The following TRMT44 variants were observed in gnomAD, a reference collection of about 807,000 sequenced individuals.
TRMT44 encodes the protein tRNA methyltransferase 44 homolog.
TRMT44 carries 78 observed loss-of-function variants against 77.3 expected under a neutral mutation model. The observed-to-expected ratio is 1.01, with a 90% CI of 0.84 to 1.22. The LOEUF (loss-of-function observed/expected upper bound fraction) is 1.22, where lower values mean the gene tolerates loss of function less well. Among genes scored for constraint, TRMT44 ranks in the 50% most tolerant of loss-of-function variants. TRMT44 has a pLI of 0.00. For synonymous variants in TRMT44, 391 were observed against 383.3 expected, an observed-to-expected ratio of 1.02 and a Z score of -0.23; for missense variants, 1,090 against 964.4, an observed-to-expected ratio of 1.13 and a Z score of -1.73.
At chr4:8,502,433 G>A in the TRMT44 span, among the ~76,000 whole-genome samples, 1 of 152,230 alleles carries the variant, frequency 6.6e-6, no homozygotes, top group East Asian at 1.9e-4. Flanking sequence ...CACATATTTA[G>A]CTCATGGTGC....
chr4:8,503,772 A>G, the TRMT44 span, among the ~76,000 whole-genome samples: 2 of 152,110 alleles, frequency 1.3e-5, no homozygotes, highest in African/African-American at 2.4e-5. Flanking sequence ...GTTCTGTCCT[A>G]TGTCCCCGCA....
chr4:8,452,166 G>T lies in TRMT44; in HGVS notation c.1023+138G>T. On this transcript the variant is annotated intron_variant, in intron 4 of 10. Transcript: ENST00000389737. This position sits in a 1 kb window ranked among gnomAD's most constrained non-coding sequence, Gnocchi z 5.7. ...CTGCTGGCCAAGGTTGGTTTCTCGTGTAATGGTTTGACTTCATGTGGTCCT... is the reference window on the plus strand; with the variant it reads ...CTGCTGGCCAAGGTTGGTTTCTCGTTTAATGGTTTGACTTCATGTGGTCCT... The T allele has an allele frequency of 1.3e-6, 1 of 756,082 alleles. No individual in the cohort carries two copies. The highest frequency in any genetic ancestry group is 2.2e-6 in the Non-Finnish European group (1 of 454,934). The allele number at this position is 756,082 out of a possible 1,614,324, so 46.8% of individuals were successfully genotyped here. A position where few individuals can be genotyped will look rare whatever the true frequency, so the allele number is the denominator to read the frequency against.
chr4:8,489,927 A>G (rs935539708), intron 2 of TRMT44, among the ~76,000 whole-genome samples: 1 of 152,224 alleles, frequency 6.6e-6, no homozygotes, highest in Non-Finnish European at 1.5e-5. Flanking sequence ...GGTTAAAGAC[A>G]TGCAACTTCC....
chr4:8,511,417 C>T, the TRMT44 span, among the ~76,000 whole-genome samples: 1 of 152,150 alleles, frequency 6.6e-6, no homozygotes, highest in African/African-American at 2.4e-5. Context: ...CTCTTAATCT[C>T]TAAAACCTGT....
intron 6 of TRMT44, among the ~76,000 whole-genome samples, chr4:8,460,859 A>AT (rs1254472860): frequency 2.7e-5 from 4 of 149,848 alleles, no homozygotes; most frequent in Non-Finnish European, 5.9e-5. Context: ...CCCCCCTTTT[A>AT]TTTTTTTGGA....
At chr4:8,511,788 G>T in the TRMT44 span, 1 of 151,104 alleles carries the variant, frequency 6.6e-6, no homozygotes, top group Non-Finnish European at 1.5e-5. Flanking sequence ...CAAAAACTTC[G>T]ATTTAAAACT....
intron 2 of TRMT44, among the ~76,000 whole-genome samples, chr4:8,489,938 C>A (rs1577068952): frequency 6.6e-6 from 1 of 152,288 alleles, no homozygotes; most frequent in East Asian, 1.9e-4. Flanking sequence ...TGCAACTTCC[C>A]CAATTACTCC....
At chr4:8,472,816 G>A (rs1387124284) in intron 10 of TRMT44, among the ~76,000 whole-genome samples, 1 of 152,176 alleles carries the variant, frequency 6.6e-6, no homozygotes, top group East Asian at 1.9e-4. Context: ...CTGCTGCCTG[G>A]AGTCTGCTCT....
chr4:8,466,301 C>T (rs1289218635), intron 8 of TRMT44, among the ~76,000 whole-genome samples: 1 of 152,250 alleles, frequency 6.6e-6, no homozygotes, highest in Non-Finnish European at 1.5e-5. Flanking sequence ...CTCGGCTCTG[C>T]TGCTGCCCGT....
At chr4:8,507,575 CTCTTTCTCCT>C in the TRMT44 span, 2 of 153,090 alleles carry the variant, frequency 1.3e-5, no homozygotes, top group Non-Finnish European at 2.9e-5. Flanking sequence ...TTCCTTTCTC[CTCTTTCTCCT>C]TCTTTCTGTT....
intron 8 of TRMT44, among the ~76,000 whole-genome samples, chr4:8,466,707 C>T (rs556556931): frequency 1.3e-5 from 2 of 152,226 alleles, no homozygotes; most frequent in African/African-American, 4.8e-5. Flanking sequence ...TTGATTTTTG[C>T]ACTTGCTTCT....
intron 2 of TRMT44, among the ~76,000 whole-genome samples, chr4:8,491,578 C>A (rs1385999085): frequency 2.6e-5 from 4 of 152,220 alleles, no homozygotes; most frequent in Non-Finnish European, 5.9e-5. Context: ...TAAGGCCTGG[C>A]GAGAAATCGA....
the TRMT44 span, among the ~76,000 whole-genome samples, chr4:8,503,670 G>A: frequency 0.047 from 7,144 of 152,308 alleles, 385 homozygotes; most frequent in African/African-American, 0.14. Flanking sequence ...TGCCATCAAC[G>A]GGAGTCAGGT....
chr4:8,503,238 AC>A, the TRMT44 span, among the ~76,000 whole-genome samples: 1 of 152,114 alleles, frequency 6.6e-6, no homozygotes, highest in Admixed American at 6.6e-5. Context: ...CTCTGCACAC[AC>A]ACCCTTGAGG....
chr4:8,474,392 ATG>A (rs1452198120), intron 10 of TRMT44, among the ~76,000 whole-genome samples: 1 of 152,060 alleles, frequency 6.6e-6, no homozygotes, highest in Non-Finnish European at 1.5e-5. Context: ...CTCAGCTCCA[ATG>A]TTGGGAGGCG....
chr4:8,502,718 C>T, the TRMT44 span, among the ~76,000 whole-genome samples: 4 of 152,360 alleles, frequency 2.6e-5, no homozygotes, highest in African/African-American at 9.6e-5. Context: ...GCAGCACAAC[C>T]AGTTATGATC....
At chr4:8,508,140 C>T in the TRMT44 span, among the ~76,000 whole-genome samples, 2 of 152,182 alleles carry the variant, frequency 1.3e-5, no homozygotes. Context: ...CTCCTGACCT[C>T]AGGTGATCTG....
At position 8,458,449 on chromosome 4, in the gene TRMT44, ATTTTC is replaced by A. The variant is rs1303920495; in HGVS notation, c.1203+3651_1203+3655del. On this transcript the variant is annotated intron_variant, in intron 6 of 10. Transcript: ENST00000389737. ...AATAGTAAATTTTCTCTTTCTTATG[ATTTTC>A]TTTTCTTTTCTTTTTTTTTTTTTTT... 3.8e-4 allele frequency among the ~76,000 whole-genome samples: 55 copies of A among 143,800 alleles called. 1 individual carries two copies. The highest frequency in any genetic ancestry group is 8.0e-4 in the African/African-American group (31 of 38,662). The allele number at this position is 143,800 out of a possible 152,430, so 94.3% of individuals were successfully genotyped here. A position where few individuals can be genotyped will look rare whatever the true frequency, so the allele number is the denominator to read the frequency against.
chr4:8,463,866 G>GT (rs972540218), intron 6 of TRMT44, 119 bp from the exon 7 acceptor site: 82 of 774,318 alleles, frequency 1.1e-4, no homozygotes, highest in Middle Eastern at 2.4e-4. Flanking sequence ...CATGCAGCAG[G>GT]TGAACTGCGG....
Sources: allele counts gnomAD v4.1 joint callset (sites outside exome capture counted in the v4.1 genomes callset), GRCh38; gene constraint gnomAD v4.1.1; non-coding constraint Gnocchi (gnomAD v3.1); transcripts MANE v1.5; gene names NCBI Gene and HGNC (gene_info 2026-07-23, HGNC 2026-07-21).